MAP3K5: variants seen among roughly 807,000 people sequenced by gnomAD.
The protein encoded by MAP3K5 is ASK-1.
Under a neutral mutation model 158.7 loss-of-function variants are expected in MAP3K5, and 56 were observed. The observed-to-expected ratio is 0.35, with a 90% CI of 0.28 to 0.44. MAP3K5 has a LOEUF of 0.44. Ranked by LOEUF, MAP3K5 falls within the 20% of genes least tolerant of loss-of-function variation. The pLI, the probability that MAP3K5 is intolerant of heterozygous loss-of-function variation, is 1.00. For missense variants in MAP3K5, 1,294 were observed against 1,674.8 expected, an observed-to-expected ratio of 0.77 and a Z score of 3.97; for synonymous variants, 579 against 601.7, an observed-to-expected ratio of 0.96 and a Z score of 0.55.
intron 1 of MAP3K5, among the ~76,000 whole-genome samples, chr6:136,732,611 G>A (rs763930107): frequency 5.9e-5 from 9 of 152,300 alleles, no homozygotes; most frequent in Non-Finnish European, 5.9e-5. Flanking sequence ...GCTGAAACAC[G>A]CCTGAGTGAC....
chr6:136,695,942 TC>T lies in MAP3K5; in HGVS notation c.1082+8del. On this transcript the variant is annotated splice_region_variant and intron_variant, in intron 6 of 29. Transcript: ENST00000359015. ...TAACGCATTCTGGAAGGGAACTTTT[TC>T]TTCTTACCTATTCAGTGCAAATGCA... The T allele has an allele frequency of 6.4e-7, 1 of 1,568,558 alleles. No homozygotes were observed. Among genetic ancestry groups the T allele is most frequent in the Non-Finnish European group, 8.7e-7 (1 of 1,144,022 alleles).
chr6:136,569,365 T>C (rs1302076914), intron 25 of MAP3K5, among the ~76,000 whole-genome samples: 2 of 152,122 alleles, frequency 1.3e-5, no homozygotes, highest in Non-Finnish European at 2.9e-5. Flanking sequence ...CAATAAGAGA[T>C]TTTACCATCT....
intron 23 of MAP3K5, among the ~76,000 whole-genome samples, chr6:136,590,395 T>C (rs969400414): frequency 2.6e-5 from 4 of 152,214 alleles, no homozygotes; most frequent in Non-Finnish European, 5.9e-5. Flanking sequence ...AGAGTACATA[T>C]GGCCTTCTAA....
intron 21 of MAP3K5, among the ~76,000 whole-genome samples, chr6:136,596,889 G>GAGC (rs1775656343): frequency 1.3e-5 from 2 of 152,162 alleles, no homozygotes; most frequent in South Asian, 4.1e-4. Context: ...ATTTCCAGGG[G>GAGC]AGCACGGTGA....
chr6:136,785,222 T>C (rs1195450807), intron 1 of MAP3K5, among the ~76,000 whole-genome samples: 3 of 152,230 alleles, frequency 2.0e-5, no homozygotes, highest in Non-Finnish European at 4.4e-5. Context: ...TAAGGAGCTT[T>C]GCTGGAAGCA....
chr6:136,561,825 A>G (rs1393073523), intron 27 of MAP3K5, among the ~76,000 whole-genome samples, 180 bp from the exon 28 acceptor site: 1 of 152,236 alleles, frequency 6.6e-6, no homozygotes, highest in East Asian at 1.9e-4. Flanking sequence ...AGAGAAGTGA[A>G]TTTACTAGTA....
chr6:136,594,807 TG>T (rs1775551671), intron 21 of MAP3K5, among the ~76,000 whole-genome samples: 1 of 152,010 alleles, frequency 6.6e-6, no homozygotes, highest in East Asian at 1.9e-4. Context: ...CGTGTTTGTG[TG>T]TGTGTGTGTG....
rs1362622957 is a variant in MAP3K5, at chr6:136,557,733, C to T, written c.*25G>A. On this transcript the variant is annotated 3_prime_UTR_variant, in exon 30 of 30. Coordinates refer to ENST00000359015, the MANE Select transcript of MAP3K5 (RefSeq NM_005923.4). Reference sequence around the variant, plus strand: ...GCTCTGTATTAATTTTTAGAATTTCCATCGAAGATTAGATTGAGCAACAGT... The same window carrying T: ...GCTCTGTATTAATTTTTAGAATTTCTATCGAAGATTAGATTGAGCAACAGT... 1 of 1,579,210 alleles carries T rather than the reference C, an allele frequency of 6.3e-7. No individual in the cohort carries two copies. The highest frequency in any genetic ancestry group is 1.7e-4 in the Middle Eastern group (1 of 6,002).
chr6:136,777,056 C>G (rs1784427969), intron 1 of MAP3K5, among the ~76,000 whole-genome samples: 1 of 152,172 alleles, frequency 6.6e-6, no homozygotes, highest in South Asian at 2.1e-4. Flanking sequence ...TTACCAACTG[C>G]CAAGTGTACT....
intron 7 of MAP3K5, among the ~76,000 whole-genome samples, chr6:136,692,687 T>C (rs1199316532): frequency 6.6e-6 from 1 of 152,244 alleles, no homozygotes; most frequent in African/African-American, 2.4e-5. Context: ...AATTTTCATG[T>C]AGACCATTTT....
intron 2 of MAP3K5, among the ~76,000 whole-genome samples, chr6:136,707,342 T>C (rs1467436888): frequency 6.6e-6 from 1 of 152,082 alleles, no homozygotes. Flanking sequence ...TTCCTGAAGA[T>C]TGAGAAAGCC....
At chr6:136,782,605 C>G (rs1373494089) in intron 1 of MAP3K5, among the ~76,000 whole-genome samples, 1 of 152,192 alleles carries the variant, frequency 6.6e-6, no homozygotes, top group Non-Finnish European at 1.5e-5. Flanking sequence ...AATTGCTTTC[C>G]TCATTGTTGA....
chr6:136,670,214 C>T (rs914953614), intron 7 of MAP3K5, among the ~76,000 whole-genome samples: 13 of 151,950 alleles, frequency 8.6e-5, no homozygotes, highest in African/African-American at 3.1e-4. Flanking sequence ...AAAAGGACTT[C>T]AGTGTTTGAA....
At chr6:136,757,302 C>T (rs1021190723) in intron 1 of MAP3K5, among the ~76,000 whole-genome samples, 1 of 152,158 alleles carries the variant, frequency 6.6e-6, no homozygotes, top group East Asian at 1.9e-4. Context: ...AGCAACCCAG[C>T]CAAATACAAC....
intron 7 of MAP3K5, among the ~76,000 whole-genome samples, chr6:136,691,564 T>C (rs1288796564): frequency 2.0e-5 from 3 of 151,426 alleles, no homozygotes; most frequent in East Asian, 1.9e-4. Flanking sequence ...TGAGGTGAGA[T>C]TGCACCACTG....
At chr6:136,676,657 A>G (rs891934366) in intron 7 of MAP3K5, among the ~76,000 whole-genome samples, 10 of 151,988 alleles carry the variant, frequency 6.6e-5, no homozygotes, top group Admixed American at 2.6e-4. Flanking sequence ...TCATTCTATC[A>G]CTAAAAAGCA....
At chr6:136,659,478 A>G in intron 8 of MAP3K5, 100 bp from the exon 9 acceptor site, 2 of 1,059,346 alleles carry the variant, frequency 1.9e-6, no homozygotes, top group South Asian at 1.5e-5. Context: ...TCCTCTTTTC[A>G]GATTAAAACA....
chr6:136,684,258 T>C (rs1020412153), intron 7 of MAP3K5, among the ~76,000 whole-genome samples: 2 of 151,942 alleles, frequency 1.3e-5, no homozygotes, highest in African/African-American at 4.8e-5. Flanking sequence ...ATGTCAGCCT[T>C]GCCTACTTCA....
At chr6:136,616,421 C>T (rs1047818064) in intron 15 of MAP3K5, among the ~76,000 whole-genome samples, 2 of 151,292 alleles carry the variant, frequency 1.3e-5, no homozygotes, top group Non-Finnish European at 2.9e-5. Context: ...TCTCCTGCCT[C>T]AGCCTCCCAA....
Sources: allele counts gnomAD v4.1 joint callset (sites outside exome capture counted in the v4.1 genomes callset), GRCh38; gene constraint gnomAD v4.1.1; transcripts MANE v1.5; gene names NCBI Gene and HGNC (gene_info 2026-07-23, HGNC 2026-07-21).